Variants in CRHR1 observed in about 807,000 individuals in gnomAD.
The protein encoded by CRHR1 is corticotropin-releasing hormone receptor 1.
In CRHR1, 28 loss-of-function variants were observed where a neutral mutation model predicts 56.0. That is an observed-to-expected ratio of 0.50 (90% CI 0.37 to 0.69). The LOEUF (loss-of-function observed/expected upper bound fraction) is 0.69. Ranked by LOEUF, CRHR1 falls within the 30% of genes least tolerant of loss-of-function variation. CRHR1 has a pLI of 0.00. For missense variants in CRHR1, 376 were observed against 548.0 expected, an observed-to-expected ratio of 0.69 and a Z score of 3.13; for synonymous variants, 195 against 216.5, an observed-to-expected ratio of 0.90 and a Z score of 0.87.
chr17:45,819,501 C>T (rs1392644854), intron 3 of CRHR1, among the ~76,000 whole-genome samples: 2 of 151,878 alleles, frequency 1.3e-5, no homozygotes, highest in Non-Finnish European at 2.9e-5. Context: ...AGCCCCTATC[C>T]CTGGAGGTAT....
chr17:45,825,796 G>A (rs1042621050), intron 4 of CRHR1: 1 of 152,338 alleles, frequency 6.6e-6, no homozygotes, highest in Non-Finnish European at 1.5e-5. Flanking sequence ...CAGGGTAAGA[G>A]GAGTAGCTCT....
intron 2 of CRHR1, among the ~76,000 whole-genome samples, chr17:45,807,824 CGAACGTTTGTACAGTTGAGGAAACT>C (rs2061747913): frequency 6.6e-6 from 1 of 152,126 alleles, no homozygotes; most frequent in Non-Finnish European, 1.5e-5. Flanking sequence ...AGTGTAAAGC[CGAACGTTTGTACAGTTGAGGAAACT>C]GAGGCATGGG....
intron 1 of CRHR1, among the ~76,000 whole-genome samples, chr17:45,793,515 G>C (rs1387226214): frequency 1.3e-5 from 2 of 152,238 alleles, no homozygotes; most frequent in South Asian, 4.1e-4. Context: ...AGCCAGGCAA[G>C]GCAGGGGCGC....
chr17:45,800,811 C>T (rs2061607938), intron 1 of CRHR1: 1 of 152,216 alleles, frequency 6.6e-6, no homozygotes, highest in South Asian at 2.1e-4. Context: ...AGAGAGAAAA[C>T]AGGCTCCCTT....
intron 1 of CRHR1, among the ~76,000 whole-genome samples, chr17:45,790,534 C>T (rs752859313): frequency 2.0e-5 from 3 of 152,192 alleles, no homozygotes; most frequent in Admixed American, 1.3e-4. Flanking sequence ...AAGATGTTTG[C>T]GGCTGTTCTT....
chr17:45,806,858 G>T, intron 1 of CRHR1, 152 bp from the exon 2 acceptor site: 1 of 638,426 alleles, frequency 1.6e-6, no homozygotes, highest in African/African-American at 1.8e-5. Flanking sequence ...GAGATGAGGG[G>T]CGGGTGTCTG....
intron 1 of CRHR1, among the ~76,000 whole-genome samples, chr17:45,788,949 C>T (rs751386029): frequency 4.6e-5 from 7 of 152,180 alleles, no homozygotes; most frequent in Non-Finnish European, 7.3e-5. Flanking sequence ...ACCACCCTAG[C>T]AGAAAAGCCA....
intron 1 of CRHR1, among the ~76,000 whole-genome samples, chr17:45,801,579 G>A (rs958933120): frequency 3.3e-5 from 5 of 152,220 alleles, no homozygotes; most frequent in Non-Finnish European, 5.9e-5. Context: ...TTGGAGCCTT[G>A]GGGCTGCCAG....
chr17:45,828,170 A>G (rs1221609989), intron 4 of CRHR1, among the ~76,000 whole-genome samples: 3 of 152,150 alleles, frequency 2.0e-5, no homozygotes, highest in Non-Finnish European at 2.9e-5. Flanking sequence ...CTTGGGACCT[A>G]TAAAAGTGTG....
At chr17:45,803,612 C>G (rs2061662529) in intron 1 of CRHR1, among the ~76,000 whole-genome samples, 1 of 152,184 alleles carries the variant, frequency 6.6e-6, no homozygotes, top group South Asian at 2.1e-4. Flanking sequence ...TCTCAAACTC[C>G]CGACCTCAGG....
At chr17:45,807,581 G>T (rs1008209695) in intron 2 of CRHR1, among the ~76,000 whole-genome samples, 6 of 152,220 alleles carry the variant, frequency 3.9e-5, no homozygotes, top group African/African-American at 1.2e-4. Context: ...TCCCTCTGAA[G>T]TAGGTGCTGT....
Position 45,784,456 on chromosome 17 carries a change from G to T in CRHR1, c.-89G>T. ...ACCGAGGAGCCCGGCCGCCCACCCC[G>T]TGCCGCCCGAGCCCGCAGCCGCCCG... On this transcript the variant is annotated 5_prime_UTR_variant, in exon 1 of 13. Transcript: ENST00000314537. The surrounding 1 kb of genome is among the most constrained non-coding windows in gnomAD (Gnocchi z 4.2). 19 of 1,350,094 alleles carry T rather than the reference G, an allele frequency of 1.4e-5. No individual in the cohort carries two copies. The highest frequency in any genetic ancestry group is 1.9e-5 in the Non-Finnish European group (19 of 1,010,992). 83.6% of individuals were successfully genotyped at this position (1,350,094 alleles called of 1,614,324 possible). A position where few individuals can be genotyped will look rare whatever the true frequency, so the allele number is the denominator to read the frequency against.
intron 12 of CRHR1, 76 bp downstream of exon 12, chr17:45,834,124 T>C: frequency 6.5e-7 from 1 of 1,542,352 alleles, no homozygotes; most frequent in South Asian, 1.1e-5. Context: ...TAGAGCCTTC[T>C]CCTCCCCTCC....
intron 6 of CRHR1, 97 bp downstream of exon 6, chr17:45,830,311 G>T: frequency 1.9e-6 from 3 of 1,593,912 alleles, no homozygotes; most frequent in Non-Finnish European, 2.6e-6. Context: ...CAGAACAGGA[G>T]TGGGATCCCA....
intron 2 of CRHR1, among the ~76,000 whole-genome samples, chr17:45,808,099 A>G (rs1437621348): frequency 1.3e-5 from 2 of 152,166 alleles, no homozygotes; most frequent in Non-Finnish European, 2.9e-5. Context: ...TTCATGAAGC[A>G]CCTACTACAC....
chr17:45,790,498 C>G (rs2061407193), intron 1 of CRHR1, among the ~76,000 whole-genome samples: 1 of 152,220 alleles, frequency 6.6e-6, no homozygotes, highest in Non-Finnish European at 1.5e-5. Flanking sequence ...CACCCAGCAG[C>G]CATAAAACTG....
intron 1 of CRHR1, among the ~76,000 whole-genome samples, chr17:45,802,559 A>G (rs1000195175): frequency 4.6e-5 from 7 of 152,230 alleles, no homozygotes; most frequent in Non-Finnish European, 1.0e-4. Flanking sequence ...ATAAGGCAGA[A>G]GCCCTCACAA....
chr17:45,830,033 G>A, intron 5 of CRHR1, 61 bp from the exon 6 acceptor site: 1 of 1,606,414 alleles, frequency 6.2e-7, no homozygotes, highest in African/African-American at 1.3e-5. Flanking sequence ...TGATGGAGGT[G>A]GCCTACCCCT....
At position 45,821,274 on chromosome 17, in the gene CRHR1, T is replaced by C. The variant is rs1432624670; in HGVS notation, c.242-81T>C. 7.1e-6 allele frequency: 9 copies of C among 1,260,418 alleles called. No individual in the cohort carries two copies. The African/African-American group carries it at 1.0e-4, about 14-fold the overall frequency. The allele number at this position is 1,260,418 out of a possible 1,614,324, so 78.1% of individuals were successfully genotyped here. A position where few individuals can be genotyped will look rare whatever the true frequency, so the allele number is the denominator to read the frequency against. ...CCTGTACTGGCCATCTACAGATCCA[T>C]CTACGCATCCATCTGGGCCAGGATG... On this transcript the variant is annotated intron_variant, in intron 3 of 12. Transcript: ENST00000314537.
Sources: gnomAD v4.1 joint callset for allele counts (sites outside exome capture counted in the v4.1 genomes callset) on GRCh38, gnomAD v4.1.1 for gene constraint, Gnocchi (gnomAD v3.1) non-coding constraint, MANE v1.5 for transcripts, NCBI Gene and HGNC (gene_info 2026-07-23, HGNC 2026-07-21) for gene names.